The following ZSCAN25 variants were observed in gnomAD, a reference collection of about 807,000 sequenced individuals.
ZSCAN25 encodes zinc finger and SCAN domain-containing protein 25.
A neutral mutation model predicts 38.7 loss-of-function variants in ZSCAN25; 27 were observed. The ratio of observed to expected loss-of-function variants is 0.70; its 90% CI spans 0.51 to 0.96. ZSCAN25 has a LOEUF of 0.96. Among genes scored for constraint, ZSCAN25 ranks in the 40% least tolerant of loss-of-function variants. The pLI, the probability that ZSCAN25 is intolerant of heterozygous loss-of-function variation, is 0.00. For synonymous variants in ZSCAN25, 273 were observed against 277.7 expected (o/e 0.98, Z 0.17); for missense variants, 637 against 705.9 (o/e 0.90, Z 1.11).
At chr7:99,648,249 C>A in the ZSCAN25 span, 1 of 1,583,566 alleles carries the variant, frequency 6.3e-7, no homozygotes, top group Non-Finnish European at 8.6e-7. Flanking sequence ...GTTGAAATCT[C>A]TGGTGTTCTG....
the ZSCAN25 span, among the ~76,000 whole-genome samples, chr7:99,723,505 C>T: frequency 3.6e-4 from 55 of 152,178 alleles, 1 homozygote; most frequent in Admixed American, 3.5e-3. Context: ...AGCCTGCACC[C>T]AGGTGATTAA....
At chr7:99,731,269 T>G in the ZSCAN25 span, 2 of 1,173,422 alleles carry the variant, frequency 1.7e-6, no homozygotes, top group Non-Finnish European at 1.2e-6. Flanking sequence ...ATTAAGGCAA[T>G]AAAAAATAAC....
At chr7:99,645,137 A>G in the ZSCAN25 span, among the ~76,000 whole-genome samples, 1 of 152,086 alleles carries the variant, frequency 6.6e-6, no homozygotes, top group African/African-American at 2.4e-5. Flanking sequence ...ATTACAGGTG[A>G]GTGCCACCAC....
the ZSCAN25 span, chr7:99,666,879 TG>T: frequency 6.3e-7 from 1 of 1,599,208 alleles, no homozygotes; most frequent in Non-Finnish European, 8.5e-7. Flanking sequence ...GGAAACGGAC[TG>T]TGATCTTACT....
At chr7:99,638,642 T>C in the ZSCAN25 span, 1 of 1,583,264 alleles carries the variant, frequency 6.3e-7, no homozygotes, top group Non-Finnish European at 8.7e-7. Context: ...ACAGTGGGAA[T>C]TGTGGTCACC....
At chr7:99,710,607 C>G in the ZSCAN25 span, 1 of 1,530,302 alleles carries the variant, frequency 6.5e-7, no homozygotes, top group Non-Finnish European at 8.8e-7. Context: ...TGAGAGCCTT[C>G]CTACATATTG....
chr7:99,660,703 A>G, the ZSCAN25 span: 1 of 1,602,786 alleles, frequency 6.2e-7, no homozygotes, highest in Non-Finnish European at 8.5e-7. Context: ...AGGTCAACGT[A>G]CAACATCACA....
the ZSCAN25 span, among the ~76,000 whole-genome samples, chr7:99,672,079 T>G: frequency 6.6e-6 from 1 of 152,056 alleles, no homozygotes; most frequent in Non-Finnish European, 1.5e-5. Flanking sequence ...TGAGATGGAG[T>G]CTCATTGGGT....
chr7:99,677,380 T>C, the ZSCAN25 span, among the ~76,000 whole-genome samples: 1 of 152,178 alleles, frequency 6.6e-6, no homozygotes, highest in Non-Finnish European at 1.5e-5. Context: ...AGAATCCACA[T>C]GCCTCATATG....
chr7:99,723,701 A>T, the ZSCAN25 span, among the ~76,000 whole-genome samples: 2 of 152,122 alleles, frequency 1.3e-5, no homozygotes, highest in African/African-American at 4.8e-5. Context: ...CATCTCACCA[A>T]TTTTAAATCG....
the ZSCAN25 span, among the ~76,000 whole-genome samples, chr7:99,692,292 G>A: frequency 2.0e-5 from 3 of 152,162 alleles, no homozygotes; most frequent in Admixed American, 2.0e-4. Flanking sequence ...TTCCCTTTGT[G>A]GGGAAGCCGA....
At chr7:99,665,369 C>T in the ZSCAN25 span, 7 of 1,604,234 alleles carry the variant, frequency 4.4e-6, no homozygotes, top group Non-Finnish European at 5.1e-6. Flanking sequence ...CGTCCTTCCA[C>T]TATACATGCA....
At chr7:99,735,445 T>G in the ZSCAN25 span, among the ~76,000 whole-genome samples, 1 of 152,164 alleles carries the variant, frequency 6.6e-6, no homozygotes, top group Non-Finnish European at 1.5e-5. Context: ...CAAACTCAAG[T>G]GGAGCCATTG....
intron 7 of ZSCAN25, 78 bp downstream of exon 7, chr7:99,624,258 C>T (rs996067219): frequency 4.4e-6 from 7 of 1,592,286 alleles, no homozygotes; most frequent in Admixed American, 1.7e-5. Flanking sequence ...GTAGCTCTGG[C>T]GCTCCTGGCA....
the ZSCAN25 span, chr7:99,695,938 G>C: frequency 1.0e-6 from 1 of 957,602 alleles, no homozygotes; most frequent in East Asian, 2.6e-5. Flanking sequence ...TCAAGAGAAG[G>C]AGGTAACATT....
In ZSCAN25 at chr7:99,632,154, A is replaced by G; in HGVS notation, c.*2134A>G. Reference sequence around the variant, plus strand: ...GGAGCTGGGCCTTGCTGACTTTCCTATCTGGCCTCTTCCCTATCTCCTGTG... The same window carrying G: ...GGAGCTGGGCCTTGCTGACTTTCCTGTCTGGCCTCTTCCCTATCTCCTGTG... On this transcript the variant is annotated 3_prime_UTR_variant, in exon 8 of 8. Coordinates refer to ENST00000394152, the MANE Select transcript of ZSCAN25 (RefSeq NM_145115.3). 3 of 985,426 alleles carry G rather than the reference A, an allele frequency of 3.0e-6. No individual in the cohort carries two copies. The highest frequency in any genetic ancestry group is 4.7e-5 in the South Asian group (1 of 21,282). The allele number at this position is 985,426 out of a possible 1,614,324, so 61.0% of individuals were successfully genotyped here.
the ZSCAN25 span, among the ~76,000 whole-genome samples, chr7:99,702,289 C>T: frequency 3.3e-5 from 5 of 152,066 alleles, no homozygotes; most frequent in African/African-American, 1.2e-4. Context: ...TAGGGTTTCA[C>T]CTTATTGGCC....
the ZSCAN25 span, among the ~76,000 whole-genome samples, chr7:99,699,629 C>G: frequency 1.7e-4 from 26 of 152,146 alleles, no homozygotes; most frequent in Non-Finnish European, 3.5e-4. Context: ...TCACACTTCT[C>G]GTCTTGTTCA....
the ZSCAN25 span, among the ~76,000 whole-genome samples, chr7:99,669,035 T>C: frequency 6.6e-6 from 1 of 152,254 alleles, no homozygotes; most frequent in African/African-American, 2.4e-5. Context: ...TTCCTATCTG[T>C]TAATTTCCAT....
Sources: allele counts gnomAD v4.1 joint callset (sites outside exome capture counted in the v4.1 genomes callset), GRCh38; gene constraint gnomAD v4.1.1; transcripts MANE v1.5; gene names NCBI Gene and HGNC (gene_info 2026-07-23, HGNC 2026-07-21).